The following ZMYM2 variants were observed in gnomAD, a reference collection of about 807,000 sequenced individuals.
The protein encoded by ZMYM2 is zinc finger MYM-type protein 2.
In ZMYM2, 56 loss-of-function variants were observed where a neutral mutation model predicts 162.8. The observed-to-expected ratio is 0.34, with a 90% CI of 0.28 to 0.43. ZMYM2 has a LOEUF of 0.43. Ranked by LOEUF, ZMYM2 falls within the 20% of genes least tolerant of loss-of-function variation. The pLI, the probability that ZMYM2 is intolerant of heterozygous loss-of-function variation, is 1.00. For synonymous variants in ZMYM2, 510 were observed against 541.6 expected, an observed-to-expected ratio of 0.94 and a Z score of 0.81; for missense variants, 1,275 against 1,621.8, an observed-to-expected ratio of 0.79 and a Z score of 3.67.
intron 2 of ZMYM2, among the ~76,000 whole-genome samples, chr13:19,990,835 C>T (rs1470593770): frequency 6.6e-6 from 1 of 152,176 alleles, no homozygotes; most frequent in Non-Finnish European, 1.5e-5. Flanking sequence ...TAAGCCACTT[C>T]AACTTCCCAT....
rs1355812859 is a variant in ZMYM2 at position 20,084,766 on chromosome 13, C to T, written c.3941+990C>T. ...ATGCTTGCCTGTTGTTTTAAGTAAG[C>T]ACTCTCTAATTTTCAGAAGGTCAGC... On this transcript the variant is annotated intron_variant, in intron 24 of 24. Coordinates refer to ENST00000610343, the MANE Select transcript of ZMYM2 (RefSeq NM_197968.4). Among the ~76,000 whole-genome samples, 4 of 152,172 alleles carry T rather than the reference C, an allele frequency of 2.6e-5. No individual in the cohort carries two copies. In the East Asian group the frequency reaches 7.7e-4, roughly 29 times the overall value.
At chr13:20,017,692 G>A (rs1455737542) in intron 6 of ZMYM2, among the ~76,000 whole-genome samples, 1 of 151,778 alleles carries the variant, frequency 6.6e-6, no homozygotes, top group Non-Finnish European at 1.5e-5. Context: ...TGTTTTTCGG[G>A]TTGGGTACTT....
Position 20,019,570 on chromosome 13 carries a change from G to T in ZMYM2, c.1536G>T (p.Leu512=). Residue 512 remains leucine (L), a synonymous_variant, in exon 7 of 25, where the codon CTG becomes CTT. Coordinates refer to ENST00000610343, the MANE Select transcript of ZMYM2 (RefSeq NM_197968.4). ...AGGTAGGTAGCCATCCAAGCTTCCT[G>T]AAGGAGGTTCGAGATCACATGCAGG... ...YKQVGSHPSF[L]KEVRDHMQDS... The T allele has an allele frequency of 6.3e-7, 1 of 1,594,800 alleles. No homozygotes were observed. The highest frequency in any genetic ancestry group is 8.5e-7 in the Non-Finnish European group (1 of 1,170,074).
In ZMYM2 at chr13:20,067,038, T is replaced by C; in HGVS notation, c.3301+19T>C. 6.3e-7 allele frequency: 1 copy of C among 1,582,788 alleles called. No homozygotes were observed. The highest frequency in any genetic ancestry group is 1.2e-5 in the South Asian group (1 of 84,486). ...AAATCTTGTAAGTGTTTTAATTTTG[T>C]TTCTCCTAAGTCCTATTTAAAATCA... On this transcript the variant is annotated intron_variant, in intron 20 of 24. Transcript: ENST00000610343.
At chr13:20,024,176 GC>G (rs1310133531) in intron 7 of ZMYM2, among the ~76,000 whole-genome samples, 1 of 152,012 alleles carries the variant, frequency 6.6e-6, no homozygotes, top group Non-Finnish European at 1.5e-5. Flanking sequence ...CTCATGATCT[GC>G]CCACCTCAGC....
the ZMYM2 span, among the ~76,000 whole-genome samples, chr13:19,921,284 C>T: frequency 6.6e-6 from 1 of 152,078 alleles, no homozygotes; most frequent in Admixed American, 6.6e-5. Context: ...GGGTTACAGA[C>T]ATGAGCCACC....
chr13:20,018,322 A>C (rs534730213), intron 6 of ZMYM2, among the ~76,000 whole-genome samples: 1 of 152,334 alleles, frequency 6.6e-6, no homozygotes, highest in Admixed American at 6.5e-5. Context: ...ATATGTTCAT[A>C]ATTCATTAGT....
chr13:19,901,546 G>A, the ZMYM2 span, among the ~76,000 whole-genome samples: 2 of 151,514 alleles, frequency 1.3e-5, no homozygotes, highest in Admixed American at 6.6e-5. Flanking sequence ...GCCCAGTGGC[G>A]CCATCTCAGC....
chr13:19,996,663 G>C (rs536716269), intron 3 of ZMYM2, among the ~76,000 whole-genome samples: 2 of 152,194 alleles, frequency 1.3e-5, no homozygotes, highest in East Asian at 3.9e-4. Context: ...GTTGCAGTGA[G>C]CAGAGATTGC....
chr13:20,081,544 A>G (rs1043570886), intron 21 of ZMYM2, among the ~76,000 whole-genome samples: 1 of 152,236 alleles, frequency 6.6e-6, no homozygotes, highest in African/African-American at 2.4e-5. Context: ...TCAGAGTGCT[A>G]GAAGAGAGCT....
intron 21 of ZMYM2, among the ~76,000 whole-genome samples, chr13:20,081,733 C>CTT (rs530664139): frequency 6.7e-6 from 1 of 149,042 alleles, no homozygotes. Context: ...GTCAAATATT[C>CTT]TTTTTTTTTT....
chr13:20,089,009 T>C lies in ZMYM2; in HGVS notation c.*2995T>C, dbSNP rs887981359. ...AATGTATTGTTATACATGTCACTTA[T>C]GTTTTTAAGCTAATATTGACTGTAG... On this transcript the variant is annotated 3_prime_UTR_variant, in exon 25 of 25. Coordinates refer to ENST00000610343, the MANE Select transcript of ZMYM2 (RefSeq NM_197968.4). The C allele has an allele frequency of 3.5e-5, 7 of 198,392 alleles. No individual in the cohort carries two copies. The highest frequency in any genetic ancestry group is 1.2e-4 in the Admixed American group (2 of 16,546). 12.3% of individuals were successfully genotyped at this position (198,392 alleles called of 1,614,324 possible).
intron 3 of ZMYM2, among the ~76,000 whole-genome samples, chr13:20,002,111 GC>G (rs1950435789): frequency 6.6e-6 from 1 of 152,068 alleles, no homozygotes; most frequent in Non-Finnish European, 1.5e-5. Flanking sequence ...ACATTTAAAG[GC>G]CATGAAACTA....
At chr13:19,913,655 G>A in the ZMYM2 span, among the ~76,000 whole-genome samples, 11,317 of 152,270 alleles carry the variant, frequency 0.074, 460 homozygotes, top group East Asian at 0.096. Context: ...AACCTGGGAG[G>A]CGGAGGCTGC....
At chr13:20,084,741 A>G (rs951606308) in intron 24 of ZMYM2, among the ~76,000 whole-genome samples, 3 of 152,212 alleles carry the variant, frequency 2.0e-5, no homozygotes, top group Admixed American at 6.5e-5. Flanking sequence ...AGATTATTTT[A>G]TGCTTGCCTG....
At chr13:20,082,688 A>T in intron 22 of ZMYM2, 93 bp from the exon 23 acceptor site, 4 of 1,110,916 alleles carry the variant, frequency 3.6e-6, no homozygotes, top group Non-Finnish European at 5.0e-6. Flanking sequence ...ATTGGTATAG[A>T]TTTGTCCTTA....
intron 7 of ZMYM2, among the ~76,000 whole-genome samples, chr13:20,022,331 T>A (rs558940813): frequency 6.6e-5 from 10 of 152,220 alleles, no homozygotes; most frequent in Admixed American, 2.0e-4. Context: ...AAGATTAGAT[T>A]GAGGTAATGC....
At chr13:20,044,008 C>T (rs1369226145) in intron 12 of ZMYM2, among the ~76,000 whole-genome samples, 1 of 152,090 alleles carries the variant, frequency 6.6e-6, no homozygotes, top group Non-Finnish European at 1.5e-5. Context: ...CACTGGGACC[C>T]TGCAAGAGGC....
chr13:20,064,918 A>G (rs1017889026), intron 19 of ZMYM2, among the ~76,000 whole-genome samples: 2 of 152,082 alleles, frequency 1.3e-5, no homozygotes, highest in African/African-American at 4.8e-5. Flanking sequence ...TAGTAAGTTC[A>G]ATTATTTGAC....
Sources: allele counts gnomAD v4.1 joint callset (sites outside exome capture counted in the v4.1 genomes callset), GRCh38; gene constraint gnomAD v4.1.1; transcripts MANE v1.5; gene names NCBI Gene and HGNC (gene_info 2026-07-23, HGNC 2026-07-21).